TNFRSF1B: variants seen among roughly 807,000 people sequenced by gnomAD.
TNFRSF1B encodes TNF receptor superfamily member 1B, also known as tumor necrosis factor receptor superfamily member 1B.
A neutral mutation model predicts 44.6 loss-of-function variants in TNFRSF1B; 19 were observed. That is an observed-to-expected ratio of 0.43 (90% CI 0.30 to 0.62). TNFRSF1B has a LOEUF of 0.62. Ranked by LOEUF, TNFRSF1B falls within the 20% of genes least tolerant of loss-of-function variation. The probability of loss-of-function intolerance (pLI) is 0.16; values close to 1 mark genes in which losing one functional copy is unlikely to be tolerated. For synonymous variants in TNFRSF1B, 252 were observed against 261.1 expected, an observed-to-expected ratio of 0.97 and a Z score of 0.34; for missense variants, 541 against 619.9, an observed-to-expected ratio of 0.87 and a Z score of 1.35.
Position 12,188,821 on chromosome 1 carries a change from A to C in TNFRSF1B, c.104A>C (p.Glu35Ala). 6.2e-7 allele frequency: 1 copy of C among 1,613,812 alleles called. No homozygotes were observed. The highest frequency in any genetic ancestry group is 8.5e-7 in the Non-Finnish European group (1 of 1,179,846). ...AQVAFTPYAPEPGSTCRLREY... is the reference protein window; with the variant it reads ...AQVAFTPYAPAPGSTCRLREY... ...GTGGCATTTACACCCTACGCCCCGG[A>C]GCCCGGGAGCACATGCCGGCTCAGA... Residue 35 changes from glutamate to alanine, a missense_variant, in exon 2 of 10, where the codon GAG becomes GCG. Physicochemically the swap from Glu to Ala is moderately radical, Grantham distance 107. Transcript: ENST00000376259.
Position 12,186,419 on chromosome 1 carries a change from G to A in TNFRSF1B, c.79-2377G>A, listed in dbSNP as rs191382325. Among the ~76,000 whole-genome samples the A allele has an allele frequency of 1.1e-4, 16 of 152,336 alleles. No individual in the cohort carries two copies. In the South Asian group the frequency reaches 1.7e-3, roughly 16 times the overall value. ...CACTGGCCCAGCGGTGCTGGGTGTC[G>A]TGACTGGTGTCTGCTCTGACTGGCT... On this transcript the variant is annotated intron_variant, in intron 1 of 9. Coordinates refer to ENST00000376259, the MANE Select transcript of TNFRSF1B (RefSeq NM_001066.3). The surrounding 1 kb of genome is among the most constrained non-coding windows in gnomAD (Gnocchi z 4.8).
chr1:12,175,468 C>T (rs1638634852), intron 1 of TNFRSF1B, among the ~76,000 whole-genome samples: 1 of 152,166 alleles, frequency 6.6e-6, no homozygotes, highest in African/African-American at 2.4e-5. Context: ...GGGCTCTGGT[C>T]CTTTGCCTCA....
At chr1:12,204,149 G>T (rs1300159639) in intron 9 of TNFRSF1B, among the ~76,000 whole-genome samples, 1 of 151,708 alleles carries the variant, frequency 6.6e-6, no homozygotes, top group Non-Finnish European at 1.5e-5. Context: ...TCCTTCTCCC[G>T]AGTCCCCCAG....
chr1:12,183,753 CTAG>C (rs1638900970), intron 1 of TNFRSF1B, among the ~76,000 whole-genome samples: 1 of 121,906 alleles, frequency 8.2e-6, no homozygotes, highest in African/African-American at 3.1e-5. Context: ...ATCTATCTAG[CTAG>C]CTAGCTAGCT....
At chr1:12,188,655 G>A (rs941581673) in intron 1 of TNFRSF1B, 141 bp from the exon 2 acceptor site, 1 of 734,680 alleles carries the variant, frequency 1.4e-6, no homozygotes, top group Non-Finnish European at 2.3e-6. Flanking sequence ...CCCTGCTCCA[G>A]GGGGAGAAAC....
chr1:12,190,917 AG>A, intron 2 of TNFRSF1B, 39 bp from the exon 3 acceptor site: 1 of 1,602,034 alleles, frequency 6.2e-7, no homozygotes. Context: ...TCCTGGCAGA[AG>A]GCTCGCCCAG....
At chr1:12,183,573 CATCT>C (rs1166929747) in intron 1 of TNFRSF1B, among the ~76,000 whole-genome samples, 2 of 150,998 alleles carry the variant, frequency 1.3e-5, no homozygotes, top group African/African-American at 2.4e-5. Context: ...TCTAATCTAT[CATCT>C]ATCTAGCTAT....
chr1:12,172,007 C>T (rs1334529881), intron 1 of TNFRSF1B, among the ~76,000 whole-genome samples: 1 of 152,178 alleles, frequency 6.6e-6, no homozygotes, highest in Non-Finnish European at 1.5e-5. Flanking sequence ...GGCTCCTCTT[C>T]CCATTGAGTG....
rs33995912 is a variant in TNFRSF1B, at chr1:12,183,446, T to TTC, written c.79-5324_79-5323dup. Among the ~76,000 whole-genome samples, 1,201 of 147,326 alleles carry TTC rather than the reference T, an allele frequency of 8.2e-3. 13 individuals carry two copies. The highest frequency in any genetic ancestry group is 0.022 in the African/African-American group (876 of 40,006). ...TTTCTTTTTTCTTTCCTTTTATCTA[T>TTC]TCTCTCTCTCTCTCTCTCTCTCTCT... On this transcript the variant is annotated intron_variant, in intron 1 of 9. Coordinates refer to ENST00000376259, the MANE Select transcript of TNFRSF1B (RefSeq NM_001066.3).
intron 1 of TNFRSF1B, among the ~76,000 whole-genome samples, chr1:12,184,922 G>A (rs916149853): frequency 2.0e-5 from 3 of 152,174 alleles, no homozygotes; most frequent in Non-Finnish European, 2.9e-5. Flanking sequence ...CAGGGAAGAG[G>A]TGCAGCCCCT....
At chr1:12,197,796 G>C (rs74548359) in intron 8 of TNFRSF1B, among the ~76,000 whole-genome samples, 2,102 of 152,256 alleles carry the variant, frequency 0.014, 61 homozygotes, top group African/African-American at 0.048. Context: ...AGAACGTCCA[G>C]GGCATGGGAG....
At chr1:12,205,747 G>A (rs1198974850) in intron 9 of TNFRSF1B, among the ~76,000 whole-genome samples, 3 of 152,004 alleles carry the variant, frequency 2.0e-5, no homozygotes, top group Non-Finnish European at 2.9e-5. Flanking sequence ...TCAGCCTCCC[G>A]AGTAGCTGGG....
rs529365447 is a variant in TNFRSF1B at position 12,183,695 on chromosome 1, T to G, written c.79-5101T>G. On this transcript the variant is annotated intron_variant, in intron 1 of 9. Transcript: ENST00000376259. ...ATCTATCTATCTATCTATCTATCTA[T>G]CTATCTATCTATCTATTCTATCTAC... Among the ~76,000 whole-genome samples, 178 of 127,746 alleles carry G rather than the reference T, an allele frequency of 1.4e-3. 1 individual carries two copies. The highest frequency in any genetic ancestry group is 4.6e-3 in the African/African-American group (164 of 35,804). The allele number at this position is 127,746 out of a possible 152,430, so 83.8% of individuals were successfully genotyped here.
intron 4 of TNFRSF1B, 112 bp downstream of exon 4, chr1:12,192,035 A>G (rs1639147457): frequency 7.1e-7 from 1 of 1,398,856 alleles, no homozygotes; most frequent in African/African-American, 1.4e-5. Flanking sequence ...GAGCACTGTT[A>G]GTGGTGGCCA....
Position 12,192,975 on chromosome 1 carries a change from A to G in TNFRSF1B, c.664A>G (p.Thr222Ala), listed in dbSNP as rs780026833. ...AGTACACTTACCCCAGCCAGTGTCC[A>G]CACGATCCCAACACACGCAGCCAAC... ...GAVHLPQPVS[T>A]RSQHTQPTPE... The change falls in exon 6 of 10, where the codon ACA becomes GCA. Residue 222 changes from threonine to alanine, a missense_variant. Thr to Ala is a moderately conservative substitution (Grantham distance 58). Coordinates refer to ENST00000376259, the MANE Select transcript of TNFRSF1B (RefSeq NM_001066.3). 1.2e-6 allele frequency: 2 copies of G among 1,614,048 alleles called. No homozygotes were observed. The highest frequency in any genetic ancestry group is 1.7e-5 in the Admixed American group (1 of 60,006).
At position 12,184,668 on chromosome 1, in the gene TNFRSF1B, G is replaced by A. The variant is rs374703373; in HGVS notation, c.79-4128G>A. Among the ~76,000 whole-genome samples, 60 of 152,358 alleles carry A rather than the reference G, an allele frequency of 3.9e-4. 2 individuals are homozygous for A. The highest frequency in any genetic ancestry group is 9.6e-4 in the African/African-American group (40 of 41,582). The stretch of plus-strand genomic sequence containing the variant: ...CCCTCGTCCATTGCGGCTCTTGAGA[G>A]CCCAAACTTGGCCACGGCAGGGCTC... On this transcript the variant is annotated intron_variant, in intron 1 of 9. Transcript: ENST00000376259.
chr1:12,202,159 A>G lies in TNFRSF1B; in HGVS notation c.1093A>G (p.Thr365Ala). 6.5e-7 allele frequency: 1 copy of G among 1,548,894 alleles called. No individual in the cohort carries two copies. The highest frequency in any genetic ancestry group is 8.7e-7 in the Non-Finnish European group (1 of 1,148,104). The change falls in exon 9 of 10, where the codon ACC (threonine) becomes GCC (alanine). Residue 365 changes from threonine to alanine, a missense_variant. By Grantham distance (58) the Thr-to-Ala change is moderately conservative. Coordinates refer to ENST00000376259, the MANE Select transcript of TNFRSF1B (RefSeq NM_001066.3). ...ASGAGEARAS[T>A]GSSDSSPGGH... ...TGGGGCCGGGGAGGCCCGGGCCAGC[A>G]CCGGGAGCTCAGGTAAGAGGTGGGA...
At chr1:12,179,942 T>C (rs1050182984) in intron 1 of TNFRSF1B, among the ~76,000 whole-genome samples, 1 of 152,196 alleles carries the variant, frequency 6.6e-6, no homozygotes, top group African/African-American at 2.4e-5. Context: ...GAACAGTCTC[T>C]GTTCTTCCAG....
intron 8 of TNFRSF1B, among the ~76,000 whole-genome samples, chr1:12,195,150 G>A (rs1298265280): frequency 1.3e-5 from 2 of 152,224 alleles, no homozygotes; most frequent in Non-Finnish European, 2.9e-5. Flanking sequence ...GCTGGGCCCT[G>A]GGTCCTCCCA....
Sources: allele counts gnomAD v4.1 joint callset (sites outside exome capture counted in the v4.1 genomes callset), GRCh38; gene constraint gnomAD v4.1.1; non-coding constraint Gnocchi (gnomAD v3.1); transcripts MANE v1.5; gene names NCBI Gene and HGNC (gene_info 2026-07-23, HGNC 2026-07-21).